PTPRO: variants seen among roughly 807,000 people sequenced by gnomAD.
PTPRO encodes the protein protein tyrosine phosphatase receptor type O.
A neutral mutation model predicts 145.2 loss-of-function variants in PTPRO; 62 were observed. The observed-to-expected ratio is 0.43, with a 90% CI of 0.35 to 0.53. The LOEUF (loss-of-function observed/expected upper bound fraction) is 0.53. Ranked by LOEUF, PTPRO falls within the 20% of genes least tolerant of loss-of-function variation. The pLI, the probability that PTPRO is intolerant of heterozygous loss-of-function variation, is 0.01. For synonymous variants in PTPRO, 565 were observed against 514.7 expected, an observed-to-expected ratio of 1.10 and a Z score of -1.32; for missense variants, 1,345 against 1,482.7, an observed-to-expected ratio of 0.91 and a Z score of 1.53.
At chr12:15,438,232 T>C (rs1206551417) in intron 1 of PTPRO, among the ~76,000 whole-genome samples, 4 of 151,542 alleles carry the variant, frequency 2.6e-5, no homozygotes, top group African/African-American at 7.3e-5. Flanking sequence ...TGAAAAAAAA[T>C]ACAAAAATTA....
chr12:15,424,937 G>C (rs1270767336), intron 1 of PTPRO, among the ~76,000 whole-genome samples: 4 of 152,040 alleles, frequency 2.6e-5, no homozygotes, highest in Non-Finnish European at 1.5e-5. Context: ...GGCTTCCTCA[G>C]GCATCAAGTG....
intron 1 of PTPRO, among the ~76,000 whole-genome samples, chr12:15,468,274 C>A (rs1941462015): frequency 6.6e-6 from 1 of 152,284 alleles, no homozygotes; most frequent in Middle Eastern, 3.4e-3. Flanking sequence ...AAAGTTTTTG[C>A]TTCTATTACA....
intron 2 of PTPRO, among the ~76,000 whole-genome samples, chr12:15,488,529 A>G (rs552572427): frequency 1.1e-4 from 16 of 152,248 alleles, no homozygotes; most frequent in Non-Finnish European, 2.1e-4. Context: ...CTTTTTAAAC[A>G]AGTTTGGAAA....
intron 12 of PTPRO, among the ~76,000 whole-genome samples, chr12:15,541,481 C>A (rs1366556907): frequency 6.6e-6 from 1 of 152,116 alleles, no homozygotes; most frequent in Non-Finnish European, 1.5e-5. Flanking sequence ...GTGGCTTAAA[C>A]AACAGAAATT....
chr12:15,357,547 CA>C (rs1430224273), intron 1 of PTPRO, among the ~76,000 whole-genome samples: 2 of 151,840 alleles, frequency 1.3e-5, no homozygotes, highest in African/African-American at 4.8e-5. Flanking sequence ...AAGAAAAAAA[CA>C]AACAACCCCA....
intron 18 of PTPRO, among the ~76,000 whole-genome samples, chr12:15,568,832 G>A (rs1943968774): frequency 6.6e-6 from 1 of 152,164 alleles, no homozygotes; most frequent in Non-Finnish European, 1.5e-5. Flanking sequence ...GAGCTTTCTG[G>A]ACAAAAGTTT....
chr12:15,573,351 C>A (rs1182309952), intron 19 of PTPRO, among the ~76,000 whole-genome samples: 1 of 152,194 alleles, frequency 6.6e-6, no homozygotes, highest in Admixed American at 6.5e-5. Context: ...TCAAACTCTA[C>A]TTACGTAAAT....
Position 15,560,178 on chromosome 12 carries a change from T to C in PTPRO, c.2628-15T>C. On this transcript the variant is annotated splice_polypyrimidine_tract_variant and intron_variant, in intron 16 of 26. Transcript: ENST00000281171. ...CTTTTTCATCTTTCCATCTGTTGTC[T>C]ATTAATGCACACAGGCGTAGGAGTA... The C allele has an allele frequency of 6.5e-7, 1 of 1,546,636 alleles. No homozygotes were observed. The highest frequency in any genetic ancestry group is 8.9e-7 in the Non-Finnish European group (1 of 1,119,194).
At chr12:15,564,127 C>G (rs190045403) in intron 17 of PTPRO, among the ~76,000 whole-genome samples, 23 of 152,200 alleles carry the variant, frequency 1.5e-4, no homozygotes, top group Admixed American at 1.1e-3. Context: ...CTCTAAATCT[C>G]AAGTGTGGAA....
intron 1 of PTPRO, among the ~76,000 whole-genome samples, chr12:15,441,972 G>A (rs1940779087): frequency 1.3e-5 from 2 of 151,926 alleles, no homozygotes; most frequent in Non-Finnish European, 2.9e-5. Flanking sequence ...AAAAAATCAA[G>A]AAGGGAGTCC....
intron 1 of PTPRO, among the ~76,000 whole-genome samples, chr12:15,412,098 C>T (rs1354134041): frequency 6.6e-6 from 1 of 152,196 alleles, no homozygotes; most frequent in Non-Finnish European, 1.5e-5. Context: ...TCCTTGGGAT[C>T]ATTCACACGC....
intron 1 of PTPRO, among the ~76,000 whole-genome samples, chr12:15,469,211 A>G (rs1941483259): frequency 6.6e-6 from 1 of 152,196 alleles, no homozygotes; most frequent in African/African-American, 2.4e-5. Flanking sequence ...GGACAGCTAC[A>G]TTTTCACAAC....
chr12:15,472,556 A>G (rs1003161066), intron 1 of PTPRO, among the ~76,000 whole-genome samples: 4 of 152,098 alleles, frequency 2.6e-5, no homozygotes, highest in African/African-American at 9.7e-5. Context: ...TCCCCTGGCA[A>G]ACTCACGAGC....
chr12:15,581,390 C>T (rs1371519097), intron 22 of PTPRO, among the ~76,000 whole-genome samples: 3 of 151,260 alleles, frequency 2.0e-5, no homozygotes, highest in East Asian at 2.0e-4. Context: ...AAACCTCTGC[C>T]TCCCAGGTTC....
chr12:15,509,664 G>T (rs1453620690), intron 7 of PTPRO, among the ~76,000 whole-genome samples: 1 of 136,148 alleles, frequency 7.3e-6, no homozygotes, highest in Non-Finnish European at 1.6e-5. Context: ...TCCAGCCTGG[G>T]CAACAGAGTG....
At chr12:15,458,573 G>A (rs1360720710) in intron 1 of PTPRO, among the ~76,000 whole-genome samples, 1 of 150,596 alleles carries the variant, frequency 6.6e-6, no homozygotes, top group Non-Finnish European at 1.5e-5. Context: ...AATTTCTAAT[G>A]TTGTGTCTCC....
intron 6 of PTPRO, among the ~76,000 whole-genome samples, chr12:15,504,641 G>C (rs1246688109): frequency 6.6e-6 from 1 of 152,136 alleles, no homozygotes; most frequent in Non-Finnish European, 1.5e-5. Flanking sequence ...CACAAACAGT[G>C]CCTGCCTCTA....
intron 1 of PTPRO, among the ~76,000 whole-genome samples, chr12:15,350,453 C>G (rs1036057172): frequency 5.9e-5 from 9 of 152,174 alleles, no homozygotes; most frequent in Non-Finnish European, 1.2e-4. Context: ...ACCCTACCCC[C>G]CAATTAGCTG....
chr12:15,326,041 A>C (rs1361484251), intron 1 of PTPRO, among the ~76,000 whole-genome samples: 1 of 152,170 alleles, frequency 6.6e-6, no homozygotes, highest in African/African-American at 2.4e-5. Context: ...GAGTGTTATG[A>C]TACTGGCCAT....
Sources: allele counts gnomAD v4.1 joint callset (sites outside exome capture counted in the v4.1 genomes callset), GRCh38; gene constraint gnomAD v4.1.1; transcripts MANE v1.5; gene names NCBI Gene and HGNC (gene_info 2026-07-23, HGNC 2026-07-21).